Variants in UGT8 observed in about 807,000 individuals in gnomAD.
The protein encoded by UGT8 is 2-hydroxyacylsphingosine 1-beta-galactosyltransferase.
UGT8 carries 12 observed loss-of-function variants against 40.5 expected under a neutral mutation model. That is an observed-to-expected ratio of 0.30 (90% CI 0.19 to 0.48). UGT8 has a LOEUF of 0.48. Among genes scored for constraint, UGT8 ranks in the 20% least tolerant of loss-of-function variants. The pLI is 0.99. For missense variants in UGT8, 513 were observed against 648.7 expected (o/e 0.79, Z 2.27); for synonymous variants, 224 against 240.4 (o/e 0.93, Z 0.63).
intron 2 of UGT8, among the ~76,000 whole-genome samples, chr4:114,649,937 T>A (rs1403162159): frequency 6.6e-6 from 1 of 152,226 alleles, no homozygotes; most frequent in Non-Finnish European, 1.5e-5. Flanking sequence ...ATGTGATTAT[T>A]TAAATTCAAT....
At chr4:114,654,906 A>T (rs1439936303) in intron 2 of UGT8, among the ~76,000 whole-genome samples, 2 of 152,222 alleles carry the variant, frequency 1.3e-5, no homozygotes, top group Non-Finnish European at 2.9e-5. Context: ...ATACTAATTT[A>T]GCTGTTTATG....
chr4:114,656,911 A>G, intron 2 of UGT8: 2 of 451,646 alleles, frequency 4.4e-6, no homozygotes, highest in South Asian at 1.7e-5. Flanking sequence ...CATTTTGTTT[A>G]TTTATTCTTT....
intron 5 of UGT8, among the ~76,000 whole-genome samples, chr4:114,674,243 A>G (rs139889572): frequency 0.012 from 1,778 of 144,426 alleles, 21 homozygotes; most frequent in Middle Eastern, 0.018. Context: ...CCAAACTGTA[A>G]TCATTTCCAG....
chr4:114,626,158 G>A (rs1301363797), intron 2 of UGT8, among the ~76,000 whole-genome samples: 3 of 152,078 alleles, frequency 2.0e-5, no homozygotes, highest in Non-Finnish European at 4.4e-5. Flanking sequence ...ACTCTTTCAG[G>A]TATTCCTTAT....
intron 1 of UGT8, among the ~76,000 whole-genome samples, chr4:114,621,060 G>A (rs144631185): frequency 2.6e-5 from 4 of 152,062 alleles, no homozygotes; most frequent in East Asian, 3.9e-4. Flanking sequence ...GAATAGGTTG[G>A]TGGGTGTATT....
chr4:114,621,169 G>A (rs1731764988), intron 1 of UGT8, among the ~76,000 whole-genome samples: 1 of 152,120 alleles, frequency 6.6e-6, no homozygotes, highest in Non-Finnish European at 1.5e-5. Flanking sequence ...GGTAGGAGAA[G>A]TACTGGCCCT....
intron 2 of UGT8, among the ~76,000 whole-genome samples, chr4:114,628,963 A>G (rs1249402674): frequency 2.0e-5 from 3 of 151,572 alleles, no homozygotes; most frequent in African/African-American, 4.8e-5. Flanking sequence ...GTGACTTTCC[A>G]TACTTGGTAT....
intron 5 of UGT8, among the ~76,000 whole-genome samples, chr4:114,668,668 G>A (rs1735044581): frequency 6.6e-6 from 1 of 152,178 alleles, no homozygotes; most frequent in Non-Finnish European, 1.5e-5. Context: ...CAAGGCACTT[G>A]ATATTCATGG....
chr4:114,637,474 G>A (rs1489536528), intron 2 of UGT8, among the ~76,000 whole-genome samples: 1 of 152,094 alleles, frequency 6.6e-6, no homozygotes, highest in Non-Finnish European at 1.5e-5. Flanking sequence ...AGTTTTAAAT[G>A]AGCTGCATTT....
intron 2 of UGT8, among the ~76,000 whole-genome samples, chr4:114,652,666 C>T (rs1377838590): frequency 6.6e-6 from 1 of 151,880 alleles, no homozygotes; most frequent in East Asian, 1.9e-4. Flanking sequence ...TAGAAGAGCA[C>T]ATAAATCCAA....
chr4:114,615,624 C>T (rs1357875266), intron 1 of UGT8, among the ~76,000 whole-genome samples: 1 of 152,124 alleles, frequency 6.6e-6, no homozygotes, highest in Admixed American at 6.6e-5. Flanking sequence ...GTTGTTACAC[C>T]TTTTCTGGTT....
chr4:114,669,932 T>A (rs1735127309), intron 5 of UGT8, among the ~76,000 whole-genome samples: 1 of 152,338 alleles, frequency 6.6e-6, no homozygotes, highest in Non-Finnish European at 1.5e-5. Context: ...CTTATCTTTG[T>A]TTCCAATGTG....
intron 5 of UGT8, among the ~76,000 whole-genome samples, chr4:114,671,646 C>T (rs1735286046): frequency 6.6e-6 from 1 of 152,140 alleles, no homozygotes; most frequent in Non-Finnish European, 1.5e-5. Flanking sequence ...AAACTGGACC[C>T]CTTCCTTACA....
At chr4:114,604,479 A>G (rs554046501) in intron 1 of UGT8, among the ~76,000 whole-genome samples, 1 of 145,502 alleles carries the variant, frequency 6.9e-6, no homozygotes, top group Admixed American at 6.8e-5. Context: ...TTTTCCCCCA[A>G]TTAAGACTAC....
At chr4:114,652,397 T>C (rs1046138650) in intron 2 of UGT8, among the ~76,000 whole-genome samples, 1 of 126,558 alleles carries the variant, frequency 7.9e-6, no homozygotes, top group Non-Finnish European at 1.6e-5. Flanking sequence ...CTCATGGGTA[T>C]TTTTTTTTTT....
In UGT8 at chr4:114,623,521, A is replaced by G; in HGVS notation, c.641A>G (p.Lys214Arg). 1 of 1,614,146 alleles carries G rather than the reference A, an allele frequency of 6.2e-7. No individual in the cohort carries two copies. The highest frequency in any genetic ancestry group is 1.7e-5 in the Admixed American group (1 of 60,024). ...RLGVSFLVLP[K>R]YERIMQKYNL... Reference sequence around the variant, plus strand: ...GGGGTCAGCTTTCTGGTTCTTCCCAAATATGAAAGGATAATGCAGAAGTAC... The same window carrying G: ...GGGGTCAGCTTTCTGGTTCTTCCCAGATATGAAAGGATAATGCAGAAGTAC... The change falls in exon 2 of 6, where the codon AAA (lysine) becomes AGA (arginine). Residue 214 changes from lysine (K) to arginine (R), a missense_variant. Around this residue, in one of 3 missense-constraint regions of UGT8, gnomAD observed 335 missense variants for 444.8 expected, o/e 0.75. Transcript: ENST00000310836.
In UGT8 at chr4:114,676,016, A is replaced by G; in HGVS notation, c.1354A>G (p.Ile452Val). The G allele has an allele frequency of 1.2e-6, 2 of 1,614,196 alleles. No individual in the cohort carries two copies. The highest frequency in any genetic ancestry group is 1.7e-6 in the Non-Finnish European group (2 of 1,180,042). Reference protein sequence around the residue: ...NRTIYWIDYIIRHNGAHHLRA... With the variant: ...NRTIYWIDYIVRHNGAHHLRA... The stretch of plus-strand genomic sequence containing the variant: ...AACTATCTATTGGATAGATTATATT[A>G]TTCGTCACAATGGAGCCCATCACCT... Residue 452 changes from isoleucine to valine, a missense_variant, in exon 6 of 6, where the codon ATT becomes GTT. Ile to Val is a conservative substitution (Grantham distance 29). This residue lies in a region of UGT8 where 175 missense variants were observed against 186.7 expected (regional missense o/e 0.94). Transcript: ENST00000310836.
intron 1 of UGT8, among the ~76,000 whole-genome samples, chr4:114,618,833 A>G (rs565955550): frequency 6.6e-6 from 1 of 152,194 alleles, no homozygotes; most frequent in Non-Finnish European, 1.5e-5. Context: ...TTATTTTTCA[A>G]ATATAAAGCA....
chr4:114,664,557 C>T (rs531206274), intron 3 of UGT8, among the ~76,000 whole-genome samples: 1 of 152,304 alleles, frequency 6.6e-6, no homozygotes, highest in East Asian at 1.9e-4. Flanking sequence ...ACCGTGGACT[C>T]TTTTGGGCTC....
Sources: allele counts gnomAD v4.1 joint callset (sites outside exome capture counted in the v4.1 genomes callset), GRCh38; gene constraint gnomAD v4.1.1; regional missense constraint gnomAD v4.1.1; transcripts MANE v1.5; gene names NCBI Gene and HGNC (gene_info 2026-07-23, HGNC 2026-07-21).